The following ZNF280C variants were observed in gnomAD, a reference collection of about 807,000 sequenced individuals.
The protein encoded by ZNF280C is zinc finger protein 280C, also known as suppressor of hairy wing homolog 3.
A neutral mutation model predicts 53.6 loss-of-function variants in ZNF280C; 14 were observed. That is an observed-to-expected ratio of 0.26 (90% CI 0.17 to 0.41). ZNF280C has a LOEUF of 0.41. Among genes scored for constraint, ZNF280C ranks in the 10% least tolerant of loss-of-function variants. ZNF280C has a pLI of 1.00. For synonymous variants in ZNF280C, 203 were observed against 181.1 expected (o/e 1.12, Z -0.97); for missense variants, 416 against 547.1 (o/e 0.76, Z 2.39).
chrX:130,226,934 C>A, intron 11 of ZNF280C, 29 bp from the exon 12 acceptor site: 1 of 1,160,804 alleles, frequency 8.6e-7, no homozygotes, highest in South Asian at 2.0e-5. Flanking sequence ...CTTAGTTTAA[C>A]TTGATATTTT....
chrX:130,256,437 C>T (rs2032571835), intron 2 of ZNF280C, among the ~76,000 whole-genome samples: 1 of 111,617 alleles, frequency 9.0e-6, no homozygotes. Flanking sequence ...GCCATGGGGC[C>T]GGGCGCGGTG....
chrX:130,242,919 C>T (rs1042766727), intron 5 of ZNF280C, among the ~76,000 whole-genome samples: 7 of 111,482 alleles, frequency 6.3e-5, no homozygotes, highest in African/African-American at 2.3e-4. Flanking sequence ...CTCAAGCAGT[C>T]CACCTCCTTC....
intron 8 of ZNF280C, among the ~76,000 whole-genome samples, chrX:130,232,027 A>C (rs1456914244): frequency 4.1e-5 from 4 of 97,690 alleles, no homozygotes; most frequent in Non-Finnish European, 8.2e-5. Flanking sequence ...ACTCCGTCTC[A>C]AAAAAAAAAA....
At chrX:130,257,422 T>C (rs1482179942) in intron 2 of ZNF280C, among the ~76,000 whole-genome samples, 1 of 111,367 alleles carries the variant, frequency 9.0e-6, no homozygotes, top group Non-Finnish European at 1.9e-5. Context: ...AATTCAGATA[T>C]AACTATATTG....
chrX:130,234,503 C>T (rs1569436113), intron 8 of ZNF280C, among the ~76,000 whole-genome samples: 1 of 112,216 alleles, frequency 8.9e-6, no homozygotes, highest in Non-Finnish European at 1.9e-5. Context: ...AGAGTAAAGA[C>T]GTTTGTATTT....
At chrX:130,226,519 A>G (rs944896303) in intron 12 of ZNF280C, among the ~76,000 whole-genome samples, 2 of 111,637 alleles carry the variant, frequency 1.8e-5, no homozygotes, top group Non-Finnish European at 3.8e-5. Flanking sequence ...AACTTTGACT[A>G]TTTATGATTC....
chrX:130,228,972 C>T lies in ZNF280C; in HGVS notation c.1147+5G>A. ...ATTCAGGATTCCAAAGAAACTTTCA[C>T]TTACTAGAAAACTCATGGGGAGTGT... On this transcript the variant is annotated splice_donor_5th_base_variant and intron_variant, in intron 10 of 18. Transcript: ENST00000370978. 1 of 1,141,381 alleles carries T rather than the reference C, an allele frequency of 8.8e-7. No homozygotes were observed. 94.1% of individuals were successfully genotyped at this position (1,141,381 alleles called of 1,213,427 possible). A position where few individuals can be genotyped will look rare whatever the true frequency, so the allele number is the denominator to read the frequency against.
At chrX:130,227,617 A>T in intron 11 of ZNF280C, 65 bp downstream of exon 11, 1 of 812,363 alleles carries the variant, frequency 1.2e-6, no homozygotes, top group South Asian at 2.2e-5. Flanking sequence ...TCAAAAGAAC[A>T]ATACTATTTC....
At chrX:130,259,731 G>A (rs1457420790) in intron 2 of ZNF280C, among the ~76,000 whole-genome samples, 2 of 112,065 alleles carry the variant, frequency 1.8e-5, no homozygotes, top group African/African-American at 6.5e-5. Context: ...AGTGGCTCAC[G>A]CCTGTAATCC....
chrX:130,256,553 CACTCCAGTCTGGGCGACTGGGAG>C (rs1474891543), intron 2 of ZNF280C, among the ~76,000 whole-genome samples: 1 of 109,115 alleles, frequency 9.2e-6, no homozygotes, highest in Non-Finnish European at 1.9e-5. Flanking sequence ...TGCGCCACTG[CACTCCAGTCTGGGCGACTGGGAG>C]ACTCCATCTC....
rs1300519662 is a variant in ZNF280C at position 130,213,866 on chromosome X, C to T, written c.1979+1327G>A. Among the ~76,000 whole-genome samples, 6 of 112,491 alleles carry T rather than the reference C, an allele frequency of 5.3e-5. No homozygotes were observed. In the Admixed American group the frequency reaches 5.6e-4, roughly 11 times the overall value. On this transcript the variant is annotated intron_variant, in intron 15 of 18. Coordinates refer to ENST00000370978, the MANE Select transcript of ZNF280C (RefSeq NM_017666.5). ...GCCAGGTGCTGAAGCCATCAAAAAA[C>T]GTGGGTGAATCCTTCAAAGTGGTAG...
chrX:130,222,207 A>C (rs1195383760), intron 12 of ZNF280C, among the ~76,000 whole-genome samples: 11 of 102,519 alleles, frequency 1.1e-4, no homozygotes, highest in Non-Finnish European at 7.9e-5. Flanking sequence ...GAGCCCTGGC[A>C]CTCTCTATCT....
In ZNF280C at chrX:130,215,346, G is replaced by A. The variant is rs1569432238; in HGVS notation, c.1839-13C>T. On this transcript the variant is annotated splice_polypyrimidine_tract_variant and intron_variant, in intron 14 of 18. Coordinates refer to ENST00000370978, the MANE Select transcript of ZNF280C (RefSeq NM_017666.5). ...TCCCCGACGACACCTTATGGAGACGGAAAAAAAAGATAAAAAGAGATTATA... is the reference window on the plus strand; with the variant it reads ...TCCCCGACGACACCTTATGGAGACGAAAAAAAAAGATAAAAAGAGATTATA... 2 of 1,134,317 alleles carry A rather than the reference G, an allele frequency of 1.8e-6. No individual in the cohort carries two copies. The highest frequency in any genetic ancestry group is 3.0e-5 in the Admixed American group (1 of 33,443). The allele number at this position is 1,134,317 out of a possible 1,213,427, so 93.5% of individuals were successfully genotyped here.
chrX:130,263,259 T>C, intron 1 of ZNF280C, among the ~76,000 whole-genome samples: 1 of 112,516 alleles, frequency 8.9e-6, no homozygotes, highest in Non-Finnish European at 1.9e-5. Flanking sequence ...CACACAAATG[T>C]TCACAGTGGC....
At chrX:130,234,453 G>C (rs1479476992) in intron 8 of ZNF280C, among the ~76,000 whole-genome samples, 1 of 112,339 alleles carries the variant, frequency 8.9e-6, no homozygotes, top group Non-Finnish European at 1.9e-5. Flanking sequence ...CACACTCAGG[G>C]AGGTGAAAAC....
At chrX:130,220,737 T>C (rs1156679846) in intron 12 of ZNF280C, among the ~76,000 whole-genome samples, 2 of 111,137 alleles carry the variant, frequency 1.8e-5, no homozygotes, top group East Asian at 5.6e-4. Flanking sequence ...CTATACTGAT[T>C]ATAGAGGCAT....
At chrX:130,215,436 G>A in intron 14 of ZNF280C, 103 bp from the exon 15 acceptor site, 1 of 845,243 alleles carries the variant, frequency 1.2e-6, no homozygotes, top group Non-Finnish European at 1.6e-6. Context: ...TGTTTAAATT[G>A]GTATCTTTAA....
chrX:130,216,853 A>T (rs2124699155), intron 13 of ZNF280C, among the ~76,000 whole-genome samples: 1 of 110,899 alleles, frequency 9.0e-6, no homozygotes, highest in African/African-American at 3.3e-5. Context: ...ACAAAAAATT[A>T]GCCAGGCATG....
In ZNF280C at chrX:130,215,957, T is replaced by G. The variant is rs369084123; in HGVS notation, c.1672A>C (p.Ser558Arg). Residue 558 changes from serine (S) to arginine (R), a missense_variant, in exon 14 of 19, where the codon AGT (serine) becomes CGT (arginine). Ser to Arg is a moderately radical substitution (Grantham distance 110). Around this residue, in one of 3 missense-constraint regions of ZNF280C, gnomAD observed 151 missense variants for 176.9 expected, o/e 0.85. Coordinates refer to ENST00000370978, the MANE Select transcript of ZNF280C (RefSeq NM_017666.5). ...TGAAGCTTACTTGTCTTAGATCTAC[T>G]GGCATTAGATTTTCTAGGATTTCTA... The part of the protein sequence containing the change: ...TARNPRKSNA[S>R]RSKTSKLHAT... 221 of 1,209,623 alleles carry G rather than the reference T, an allele frequency of 1.8e-4. 1 individual carries two copies. Among genetic ancestry groups the G allele is most frequent in the Non-Finnish European group, 2.3e-4 (205 of 895,143 alleles).
Sources: gnomAD v4.1 joint callset for allele counts (sites outside exome capture counted in the v4.1 genomes callset) on GRCh38, gnomAD v4.1.1 for gene constraint, gnomAD v4.1.1 regional missense constraint, MANE v1.5 for transcripts, NCBI Gene and HGNC (gene_info 2026-07-23, HGNC 2026-07-21) for gene names.